The following CD109 variants were observed in gnomAD, a reference collection of about 807,000 sequenced individuals.
CD109 encodes CD109 antigen.
A neutral mutation model predicts 165.8 loss-of-function variants in CD109; 149 were observed. That is an observed-to-expected ratio of 0.90 (90% confidence interval 0.79 to 1.03). CD109 has a LOEUF of 1.03. Ranked by LOEUF, CD109 falls within the 50% of genes least tolerant of loss-of-function variation. The pLI, the probability that CD109 is intolerant of heterozygous loss-of-function variation, is 0.00. For synonymous variants in CD109, 585 were observed against 592.1 expected, an observed-to-expected ratio of 0.99 and a Z score of 0.18; for missense variants, 1,712 against 1,677.8, an observed-to-expected ratio of 1.02 and a Z score of -0.36.
At chr6:73,821,726 G>A (rs186954019) in intron 32 of CD109, among the ~76,000 whole-genome samples, 28 of 152,272 alleles carry the variant, frequency 1.8e-4, no homozygotes, top group African/African-American at 6.3e-4. Flanking sequence ...TTCAAAAGTG[G>A]GGAGGGAGAG....
chr6:73,709,061 A>G (rs1472060524), intron 2 of CD109, among the ~76,000 whole-genome samples: 1 of 152,208 alleles, frequency 6.6e-6, no homozygotes, highest in Non-Finnish European at 1.5e-5. Flanking sequence ...TGTTTTAGAC[A>G]TGAAGTCCTT....
intron 2 of CD109, among the ~76,000 whole-genome samples, chr6:73,705,781 G>A (rs578259492): frequency 7.1e-4 from 108 of 152,242 alleles, no homozygotes; most frequent in Admixed American, 2.2e-3. Flanking sequence ...GAGAAGAGGA[G>A]GACAGAGGAA....
chr6:73,815,064 T>A lies in CD109; in HGVS notation c.3852T>A (p.Asp1284Glu). ...AAAATCAAGAAGCCTTTGATTTAGA[T>A]GTTGCTGTAAAAGAAAATAAAGATG... Reference protein sequence around the residue: ...SIQNQEAFDLDVAVKENKDDL... With the variant: ...SIQNQEAFDLEVAVKENKDDL... Residue 1284 changes from aspartate to glutamate, a missense_variant, in exon 30 of 33, where the codon GAT (aspartate) becomes GAA (glutamate). By Grantham distance (45) the Asp-to-Glu change is conservative. Coordinates refer to ENST00000287097, the MANE Select transcript of CD109 (RefSeq NM_133493.5). The A allele has an allele frequency of 6.3e-7, 1 of 1,589,936 alleles. No homozygotes were observed.
chr6:73,775,356 C>T (rs1774202920), intron 15 of CD109, among the ~76,000 whole-genome samples: 1 of 152,004 alleles, frequency 6.6e-6, no homozygotes, highest in South Asian at 2.1e-4. Flanking sequence ...AATGAAAACT[C>T]CAAATATCAT....
intron 24 of CD109, among the ~76,000 whole-genome samples, chr6:73,803,527 G>T (rs41266751): frequency 1.5e-3 from 224 of 150,846 alleles, no homozygotes; most frequent in African/African-American, 4.0e-3. Context: ...CCTCTTTTTT[G>T]TGTGTGTGTG....
At chr6:73,686,703 T>G in the CD109 span, among the ~76,000 whole-genome samples, 1 of 151,880 alleles carries the variant, frequency 6.6e-6, no homozygotes, top group South Asian at 2.1e-4. Context: ...TCTTTCTTTC[T>G]TTTTTTGAGA....
chr6:73,799,716 A>C (rs1775295407), intron 23 of CD109, among the ~76,000 whole-genome samples: 1 of 152,182 alleles, frequency 6.6e-6, no homozygotes, highest in African/African-American at 2.4e-5. Flanking sequence ...TACCTCCAAC[A>C]TTGAGGATTA....
chr6:73,807,872 T>C (rs1369362447), intron 25 of CD109, among the ~76,000 whole-genome samples: 2 of 152,310 alleles, frequency 1.3e-5, no homozygotes, highest in South Asian at 2.1e-4. Context: ...CCTGTTTACT[T>C]ATAAAAACTG....
In CD109 at chr6:73,802,287, G is replaced by GTATATATA. The variant is rs1325164770; in HGVS notation, c.2879-932_2879-931insATATATAT. The stretch of plus-strand genomic sequence containing the variant: ...TGTGTGTGTGTGTGTGTGTGTGTGT[G>GTATATATA]TGTATATATATATATATATTTTTTT... On this transcript the variant is annotated intron_variant, in intron 23 of 32. Coordinates refer to ENST00000287097, the MANE Select transcript of CD109 (RefSeq NM_133493.5). 5.0e-3 allele frequency among the ~76,000 whole-genome samples: 473 copies of GTATATATA among 94,686 alleles called. 4 individuals are homozygous for GTATATATA. The highest frequency in any genetic ancestry group is 8.9e-3 in the South Asian group (26 of 2,916). The allele number at this position is 94,686 out of a possible 152,430, so 62.1% of individuals were successfully genotyped here. A position where few individuals can be genotyped will look rare whatever the true frequency, so the allele number is the denominator to read the frequency against.
chr6:73,764,419 A>G (rs369838618), intron 10 of CD109, among the ~76,000 whole-genome samples: 5 of 152,248 alleles, frequency 3.3e-5, no homozygotes, highest in South Asian at 2.1e-4. Context: ...TAGCCAATTT[A>G]TAAATAAGTG....
chr6:73,696,348 T>A, intron 1 of CD109, 59 bp downstream of exon 1: 1 of 1,326,874 alleles, frequency 7.5e-7, no homozygotes. Context: ...GCTCTGCGGC[T>A]CTGGGCCAGG....
At chr6:73,770,224 C>T (rs1425333226) in intron 14 of CD109, among the ~76,000 whole-genome samples, 1 of 152,018 alleles carries the variant, frequency 6.6e-6, no homozygotes. Context: ...TAAAACTGGC[C>T]AGAGGCTGGG....
chr6:73,802,287 G>GTA (rs1325164770), intron 23 of CD109, among the ~76,000 whole-genome samples: 1 of 94,776 alleles, frequency 1.1e-5, no homozygotes, highest in African/African-American at 4.3e-5. Flanking sequence ...GTGTGTGTGT[G>GTA]TGTATATATA....
chr6:73,814,431 C>T (rs1412693975), intron 29 of CD109, among the ~76,000 whole-genome samples: 1 of 152,086 alleles, frequency 6.6e-6, no homozygotes, highest in Non-Finnish European at 1.5e-5. Context: ...CCTTTAACAT[C>T]AGTGGTGGGT....
intron 22 of CD109, among the ~76,000 whole-genome samples, chr6:73,791,204 T>TATACACATAC (rs1582166217): frequency 8.1e-6 from 1 of 122,834 alleles, no homozygotes; most frequent in Non-Finnish European, 1.6e-5. Context: ...TATATATATA[T>TATACACATAC]ATATATATAT....
At chr6:73,692,144 C>G (rs939690044), upstream of CD109, among the ~76,000 whole-genome samples, 2 of 152,090 alleles carry the variant, frequency 1.3e-5, no homozygotes, top group African/African-American at 4.8e-5. Flanking sequence ...ATTCAATCAC[C>G]TCCTACCAGG....
chr6:73,725,144 C>T (rs574118689), intron 3 of CD109, among the ~76,000 whole-genome samples: 1 of 152,272 alleles, frequency 6.6e-6, no homozygotes, highest in South Asian at 2.1e-4. Context: ...AAAAACCCTG[C>T]AATCTTTGTG....
Position 73,810,089 on chromosome 6 carries a change from T to TA in CD109, c.3462dup (p.Gln1155ThrfsTer6), listed in dbSNP as rs1775700319. On this transcript the variant is annotated frameshift_variant, in exon 27 of 33. Transcript: ENST00000287097. LOFTEE classifies it high-confidence loss of function. The stretch of plus-strand genomic sequence containing the variant: ...GCCTATGCACTGCTCTCACACTTCT[T>TA]ACAATTTCAGACTTCTGAGGGAATC... 6.2e-7 allele frequency: 1 copy of TA among 1,610,702 alleles called. No homozygotes were observed. Among genetic ancestry groups the TA allele is most frequent in the Non-Finnish European group, 8.5e-7 (1 of 1,178,914 alleles).
rs756129560 is a variant in CD109 at position 73,785,410 on chromosome 6, C to T, written c.2270C>T (p.Ser757Phe). The T allele has an allele frequency of 6.2e-7, 1 of 1,609,878 alleles. No homozygotes were observed. The highest frequency in any genetic ancestry group is 8.5e-7 in the Non-Finnish European group (1 of 1,178,000). The part of the protein sequence containing the change: ...PFFIFLNLPY[S>F]VIRGEEFALE... ...TTCATTTTTTTGAATCTTCCCTACT[C>T]TGTTATCAGAGGTGAAGAATTTGCT... is the stretch of plus-strand genomic sequence containing the variant. The change falls in exon 20 of 33, where the codon TCT becomes TTT. Residue 757 changes from serine (S) to phenylalanine (F), a missense_variant. Physicochemically the swap from Ser to Phe is radical, Grantham distance 155 (BLOSUM62 -2). Coordinates refer to ENST00000287097, the MANE Select transcript of CD109 (RefSeq NM_133493.5).
Sources: gnomAD v4.1 joint callset for allele counts (sites outside exome capture counted in the v4.1 genomes callset) on GRCh38, gnomAD v4.1.1 for gene constraint, MANE v1.5 for transcripts, NCBI Gene and HGNC (gene_info 2026-07-23, HGNC 2026-07-21) for gene names.